The following ROBO2 variants were observed in gnomAD, a reference collection of about 807,000 sequenced individuals.
The protein encoded by ROBO2 is roundabout guidance receptor 2.
Under a neutral mutation model 160.8 loss-of-function variants are expected in ROBO2, and 53 were observed. The observed-to-expected ratio is 0.33, with a 90% CI of 0.26 to 0.41. ROBO2 has a LOEUF of 0.41. ROBO2 is among the 10% of genes least tolerant of loss of function. The pLI is 1.00. For missense variants in ROBO2, 1,577 were observed against 1,722.4 expected (o/e 0.92, Z 1.49); for synonymous variants, 664 against 611.7 (o/e 1.09, Z -1.26).
chr3:77,122,650 CT>C (rs1454420999), intron 2 of ROBO2, among the ~76,000 whole-genome samples: 1 of 152,150 alleles, frequency 6.6e-6, no homozygotes, highest in African/African-American at 2.4e-5. Context: ...CGTCAAACAC[CT>C]TTTTTTAAAG....
intron 2 of ROBO2, among the ~76,000 whole-genome samples, chr3:76,447,246 C>T (rs1159508136): frequency 6.6e-6 from 1 of 152,134 alleles, no homozygotes; most frequent in Non-Finnish European, 1.5e-5. Context: ...TGAACAGACA[C>T]TTCTCAAAAG....
At chr3:77,235,971 A>AAGG (rs2151318472) in intron 2 of ROBO2, among the ~76,000 whole-genome samples, 1 of 152,306 alleles carries the variant, frequency 6.6e-6, no homozygotes, top group South Asian at 2.1e-4. Flanking sequence ...GTGTTGACCA[A>AAGG]AAGAGTCAAA....
intron 2 of ROBO2, among the ~76,000 whole-genome samples, chr3:76,931,608 C>G (rs2077349001): frequency 6.6e-6 from 1 of 151,414 alleles, no homozygotes; most frequent in Admixed American, 6.6e-5. Flanking sequence ...CAAGCTTATT[C>G]TTTTATCACG....
chr3:77,554,725 A>G (rs2093048252), intron 8 of ROBO2, among the ~76,000 whole-genome samples: 1 of 152,026 alleles, frequency 6.6e-6, no homozygotes, highest in Admixed American at 6.6e-5. Flanking sequence ...GTCACATGAT[A>G]CAAATTGAAC....
At chr3:76,799,558 G>A (rs1258228100) in intron 2 of ROBO2, among the ~76,000 whole-genome samples, 1 of 147,448 alleles carries the variant, frequency 6.8e-6, no homozygotes. Context: ...ACAAAAATCA[G>A]TAACATTTTT....
At chr3:76,771,897 G>A (rs1269477198) in intron 2 of ROBO2, among the ~76,000 whole-genome samples, 1 of 151,150 alleles carries the variant, frequency 6.6e-6, no homozygotes, top group East Asian at 2.0e-4. Flanking sequence ...AAACTACTGA[G>A]TACCAATTTT....
intron 2 of ROBO2, among the ~76,000 whole-genome samples, chr3:76,181,263 T>C (rs561173315): frequency 6.6e-6 from 1 of 152,254 alleles, no homozygotes. Context: ...AATTATACAC[T>C]AAGTTTTGTA....
chr3:77,472,617 C>T (rs1383471917), intron 2 of ROBO2, among the ~76,000 whole-genome samples: 4 of 152,062 alleles, frequency 2.6e-5, no homozygotes, highest in Non-Finnish European at 5.9e-5. Flanking sequence ...TTACATATCC[C>T]CCCCACCTCA....
At chr3:77,273,872 C>T (rs566179682) in intron 2 of ROBO2, among the ~76,000 whole-genome samples, 19 of 152,162 alleles carry the variant, frequency 1.2e-4, no homozygotes, top group Non-Finnish European at 2.2e-4. Context: ...AATGTCAAGA[C>T]TCATCCAATC....
intron 2 of ROBO2, among the ~76,000 whole-genome samples, chr3:77,191,191 AC>A (rs1160086119): frequency 2.0e-5 from 3 of 152,142 alleles, no homozygotes; most frequent in Non-Finnish European, 2.9e-5. Context: ...TTAATGACTT[AC>A]TGGGTGACAG....
At chr3:76,180,425 G>C (rs17140451) in intron 2 of ROBO2, among the ~76,000 whole-genome samples, 10,732 of 152,104 alleles carry the variant, frequency 0.071, 544 homozygotes, top group East Asian at 0.22. Flanking sequence ...ATATTGAAAA[G>C]AGAATTCTTC....
At position 76,993,766 on chromosome 3, in the gene ROBO2, A is replaced by G. The variant is rs563262075; in HGVS notation, c.110-104248A>G. Among the ~76,000 whole-genome samples the G allele has an allele frequency of 6.2e-4, 95 of 152,206 alleles. 1 individual carries two copies. Among genetic ancestry groups the G allele is most frequent in the African/African-American group, 2.2e-3 (90 of 41,554 alleles). ...AGAAAACATGAGACCCATGGGAGTT[A>G]TGTGTTTTCAGTCTTAGGATATTTA... is the stretch of plus-strand genomic sequence containing the variant. On this transcript the variant is annotated intron_variant, in intron 2 of 26. Coordinates refer to the ROBO2 transcript ENST00000487694.
chr3:76,275,451 T>G (rs750424965), intron 2 of ROBO2, among the ~76,000 whole-genome samples: 1 of 152,144 alleles, frequency 6.6e-6, no homozygotes, highest in Non-Finnish European at 1.5e-5. Context: ...TATTTTTCTC[T>G]TCTTTGTACT....
chr3:76,093,360 G>T (rs2069308416), intron 2 of ROBO2, among the ~76,000 whole-genome samples: 1 of 151,310 alleles, frequency 6.6e-6, no homozygotes, highest in Non-Finnish European at 1.5e-5. Context: ...CACAAGAAGA[G>T]ATTTTGGCAT....
At chr3:76,363,962 A>G (rs1485109153) in intron 2 of ROBO2, among the ~76,000 whole-genome samples, 1 of 152,100 alleles carries the variant, frequency 6.6e-6, no homozygotes, top group African/African-American at 2.4e-5. Flanking sequence ...TAACTTTTAT[A>G]TAACATCAAT....
intron 2 of ROBO2, among the ~76,000 whole-genome samples, chr3:77,386,036 T>C (rs2074062960): frequency 6.6e-6 from 1 of 152,218 alleles, no homozygotes; most frequent in Non-Finnish European, 1.5e-5. Flanking sequence ...TAATAATAAC[T>C]AATGCATATT....
chr3:76,349,272 C>T (rs920952566), intron 2 of ROBO2, among the ~76,000 whole-genome samples: 5 of 151,852 alleles, frequency 3.3e-5, no homozygotes, highest in African/African-American at 4.8e-5. Flanking sequence ...TAATTGATGG[C>T]AAATTATAGT....
chr3:75,995,829 G>A lies in ROBO2; in HGVS notation c.109+58227G>A, dbSNP rs541571082. Among the ~76,000 whole-genome samples, 82 of 152,336 alleles carry A rather than the reference G, an allele frequency of 5.4e-4. 2 individuals carry two copies. In the South Asian group the frequency reaches 0.017, roughly 31 times the overall value. On this transcript the variant is annotated intron_variant, in intron 2 of 26. Transcript: ENST00000487694. ...TCTTGCATCAGTGTGTCCTGGAGGT[G>A]AGACTTGGAGTTGAAGGAGATTATT...
chr3:77,623,218 A>G (rs994916365), intron 23 of ROBO2, among the ~76,000 whole-genome samples: 1 of 152,196 alleles, frequency 6.6e-6, no homozygotes, highest in Non-Finnish European at 1.5e-5. Context: ...ACACTGTTGG[A>G]CACACAAGAA....
Sources: allele counts gnomAD v4.1 joint callset (sites outside exome capture counted in the v4.1 genomes callset), GRCh38; gene constraint gnomAD v4.1.1; transcripts MANE v1.5; gene names NCBI Gene and HGNC (gene_info 2026-07-23, HGNC 2026-07-21).